SH3GL1: variants seen among roughly 807,000 people sequenced by gnomAD.
The protein encoded by SH3GL1 is endophilin-A2.
SH3GL1 carries 21 observed loss-of-function variants against 48.8 expected under a neutral mutation model. The ratio of observed to expected loss-of-function variants is 0.43; its 90% CI spans 0.30 to 0.62. The LOEUF is 0.62. SH3GL1 is among the 20% of genes least tolerant of loss of function. The pLI is 0.11. For missense variants in SH3GL1, 454 were observed against 503.0 expected, an observed-to-expected ratio of 0.90 and a Z score of 0.93; for synonymous variants, 282 against 217.5, an observed-to-expected ratio of 1.30 and a Z score of -2.61.
chr19:4,361,892 G>GCCCAT, intron 9 of SH3GL1, 96 bp from the exon 10 acceptor site: 3 of 894,400 alleles, frequency 3.4e-6, no homozygotes, highest in Non-Finnish European at 5.3e-6. Context: ...CGTGTGGGTG[G>GCCCAT]GCATGGGCCT....
At chr19:4,378,844 A>G (rs1286270071) in intron 1 of SH3GL1, among the ~76,000 whole-genome samples, 2 of 152,214 alleles carry the variant, frequency 1.3e-5, no homozygotes, top group Admixed American at 1.3e-4. Context: ...GCCCCACGAC[A>G]CTGCCTCTGA....
At chr19:4,366,403 C>T in intron 3 of SH3GL1, 98 bp downstream of exon 3, 1 of 961,556 alleles carries the variant, frequency 1.0e-6, no homozygotes, top group Non-Finnish European at 1.6e-6. Flanking sequence ...CTGAAGCCCA[C>T]AACCCATGAG....
intron 1 of SH3GL1, among the ~76,000 whole-genome samples, chr19:4,381,200 T>TGA (rs1973117884): frequency 1.0e-5 from 1 of 99,852 alleles, no homozygotes; most frequent in Non-Finnish European, 2.0e-5. Flanking sequence ...CTCTCTCCCA[T>TGA]CTCTCTCTGT....
chr19:4,379,461 G>A (rs1431735700), intron 1 of SH3GL1, among the ~76,000 whole-genome samples: 2 of 151,548 alleles, frequency 1.3e-5, no homozygotes, highest in African/African-American at 2.4e-5. Context: ...AAAGGACCAA[G>A]AGAGAAAATG....
rs1399682783 is a variant in SH3GL1 at position 4,363,897 on chromosome 19, T to C, written c.466-19A>G. On this transcript the variant is annotated intron_variant, in intron 5 of 9. Coordinates refer to ENST00000269886, the MANE Select transcript of SH3GL1 (RefSeq NM_003025.4). Reference sequence around the variant, plus strand: ...GGTGGTGCTGGAGACGTGGGGGACATGGGTCACACCAGTAGCGGCCAGAGG... The same window carrying C: ...GGTGGTGCTGGAGACGTGGGGGACACGGGTCACACCAGTAGCGGCCAGAGG... The C allele has an allele frequency of 1.2e-6, 2 of 1,611,748 alleles. No individual in the cohort carries two copies. Among genetic ancestry groups the C allele is most frequent in the Non-Finnish European group, 8.5e-7 (1 of 1,180,024 alleles).
chr19:4,384,409 C>T (rs1298066388), intron 1 of SH3GL1, among the ~76,000 whole-genome samples: 3 of 152,212 alleles, frequency 2.0e-5, no homozygotes, highest in South Asian at 2.1e-4. Flanking sequence ...TGCTAGCCAC[C>T]GGTCCAGGAC....
intron 1 of SH3GL1, among the ~76,000 whole-genome samples, chr19:4,393,098 TAA>T (rs998367275): frequency 6.6e-6 from 1 of 151,744 alleles, no homozygotes; most frequent in African/African-American, 2.4e-5. Flanking sequence ...TCATCTCTAC[TAA>T]AGATACAAAA....
intron 8 of SH3GL1, 98 bp from the exon 9 acceptor site, chr19:4,362,483 G>C (rs568206300): frequency 6.4e-7 from 1 of 1,568,698 alleles, no homozygotes; most frequent in South Asian, 1.1e-5. Context: ...CTGCCTTGGC[G>C]GTCCAGATGG....
At chr19:4,363,605 T>C (rs1323491911) in intron 6 of SH3GL1, 115 bp downstream of exon 6, 20 of 1,492,084 alleles carry the variant, frequency 1.3e-5, no homozygotes, top group Non-Finnish European at 1.8e-5. Flanking sequence ...ACCCTCCACC[T>C]CCCCTGCTGC....
rs937724444 is a variant in SH3GL1 at position 4,367,388 on chromosome 19, G to A, written c.46-394C>T. Among the ~76,000 whole-genome samples, 1 of 152,104 alleles carries A rather than the reference G, an allele frequency of 6.6e-6. No individual in the cohort carries two copies. Among genetic ancestry groups the A allele is most frequent in the Non-Finnish European group, 1.5e-5 (1 of 68,016 alleles). ...ACATCCCCACAGATAGCAATGTGGG[G>A]ATCTGCCCCCATCCTTGAGTATGTG... On this transcript the variant is annotated intron_variant, in intron 1 of 9. Transcript: ENST00000269886. The surrounding 1 kb of genome is among the most constrained non-coding windows in gnomAD (Gnocchi z 4.2).
At chr19:4,362,258 GGAGGAGAAACACCCTCCCC>G (rs1203428210) in intron 9 of SH3GL1, 52 bp downstream of exon 9, 2 of 1,459,330 alleles carry the variant, frequency 1.4e-6, no homozygotes, top group Non-Finnish European at 1.9e-6. Flanking sequence ...GAACAGGGCG[GGAGGAGAAACACCCTCCCC>G]GAATGGCCGA....
chr19:4,394,271 C>T (rs1973387805), intron 1 of SH3GL1, among the ~76,000 whole-genome samples: 1 of 152,132 alleles, frequency 6.6e-6, no homozygotes, highest in African/African-American at 2.4e-5. Flanking sequence ...CACCCAAACC[C>T]CCAGCACACC....
At chr19:4,388,493 C>T (rs1483520177) in intron 1 of SH3GL1, among the ~76,000 whole-genome samples, 7 of 152,144 alleles carry the variant, frequency 4.6e-5, no homozygotes, top group African/African-American at 1.7e-4. Context: ...TGGGAGGAGC[C>T]GCAGGGCCTA....
chr19:4,392,565 CACACA>C (rs1973357454), intron 1 of SH3GL1, among the ~76,000 whole-genome samples: 1 of 128,150 alleles, frequency 7.8e-6, no homozygotes, highest in Non-Finnish European at 1.7e-5. Context: ...CACACACACA[CACACA>C]AAAGATCATT....
chr19:4,375,900 C>T (rs191953477), intron 1 of SH3GL1, among the ~76,000 whole-genome samples: 19 of 152,354 alleles, frequency 1.2e-4, no homozygotes, highest in Admixed American at 4.6e-4. Flanking sequence ...GGAGGATCTG[C>T]GTCCAGGGGG....
chr19:4,364,892 GTGTGTGTATA>G (rs1252670684), intron 4 of SH3GL1, among the ~76,000 whole-genome samples: 9 of 108,144 alleles, frequency 8.3e-5, no homozygotes, highest in African/African-American at 3.1e-4. Context: ...GTGTGTGTGT[GTGTGTGTATA>G]TATATATATA....
chr19:4,392,694 C>A (rs1973360055), intron 1 of SH3GL1, among the ~76,000 whole-genome samples: 1 of 152,192 alleles, frequency 6.6e-6, no homozygotes, highest in Non-Finnish European at 1.5e-5. Flanking sequence ...GGCCTGTAAT[C>A]CCAGCACAAT....
chr19:4,385,638 G>A (rs2144909729), intron 1 of SH3GL1, among the ~76,000 whole-genome samples: 1 of 152,284 alleles, frequency 6.6e-6, no homozygotes, highest in Non-Finnish European at 1.5e-5. Context: ...GGTGGCACAG[G>A]GACCCCACTC....
At chr19:4,365,455 G>A in intron 4 of SH3GL1, 27 bp downstream of exon 4, 1 of 1,612,424 alleles carries the variant, frequency 6.2e-7, no homozygotes, top group South Asian at 1.1e-5. Flanking sequence ...GGGACGGTGG[G>A]CGTGGCTTCC....
Sources: gnomAD v4.1 joint callset for allele counts (sites outside exome capture counted in the v4.1 genomes callset) on GRCh38, gnomAD v4.1.1 for gene constraint, Gnocchi (gnomAD v3.1) non-coding constraint, MANE v1.5 for transcripts, NCBI Gene and HGNC (gene_info 2026-07-23, HGNC 2026-07-21) for gene names.